Variants in ENO3 observed in about 807,000 individuals in gnomAD.
ENO3 encodes enolase 3.
A neutral mutation model predicts 47.7 loss-of-function variants in ENO3; 46 were observed. The ratio of observed to expected loss-of-function variants is 0.96; its 90% CI spans 0.76 to 1.23. The LOEUF is 1.23. Ranked by LOEUF, ENO3 falls within the 50% of genes most tolerant of loss-of-function variation. The pLI, the probability that ENO3 is intolerant of heterozygous loss-of-function variation, is 0.00. For synonymous variants in ENO3, 223 were observed against 225.9 expected (o/e 0.99, Z 0.11); for missense variants, 575 against 566.2 (o/e 1.02, Z -0.16).
rs574403319 is a variant in ENO3, at chr17:4,954,845, G to A, written c.445-230G>A. On this transcript the variant is annotated intron_variant, in intron 6 of 11. Coordinates refer to ENST00000519602, the MANE Select transcript of ENO3 (RefSeq NM_053013.4). ...GGAGAATCACTTGAACCCGGGAGGCGGAGGTTGCGCCATTGCACTCCAGCC... is the reference window on the plus strand; with the variant it reads ...GGAGAATCACTTGAACCCGGGAGGCAGAGGTTGCGCCATTGCACTCCAGCC... 1.1e-4 allele frequency among the ~76,000 whole-genome samples: 16 copies of A among 151,488 alleles called. No individual in the cohort carries two copies. The South Asian group carries it at 2.3e-3, about 22-fold the overall frequency.
chr17:4,955,240 G>A lies in ENO3; in HGVS notation c.610G>A (p.Ala204Thr). ...GVIKAKYGKD[A>T]TNVGDEGGFA... ...CATCAAGGCCAAGTATGGGAAGGATGCCACCAATGTGGGTGATGAAGGTGG... is the reference window on the plus strand; with the variant it reads ...CATCAAGGCCAAGTATGGGAAGGATACCACCAATGTGGGTGATGAAGGTGG... The change falls in exon 7 of 12, where the codon GCC (alanine) becomes ACC (threonine). Residue 204 changes from alanine (A) to threonine (T), a missense_variant. By Grantham distance (58) the Ala-to-Thr change is moderately conservative. Transcript: ENST00000519602. 6.2e-7 allele frequency: 1 copy of A among 1,614,276 alleles called. No individual in the cohort carries two copies.
rs548538086 is a variant in ENO3, at chr17:4,955,525, G to GTCA, written c.788_789insATC (p.Ser263dup). The GTCA allele has an allele frequency of 2.0e-3, 3,191 of 1,614,230 alleles. 86 individuals carry two copies. In the South Asian group the frequency reaches 0.033, roughly 17 times the overall value. On this transcript the variant is annotated inframe_insertion, in exon 8 of 12. Coordinates refer to ENST00000519602, the MANE Select transcript of ENO3 (RefSeq NM_053013.4). ...ATGGGAAGTACGATCTTGACTTCAA[G>GTCA]TCGCCTGATGATCCCGCACGGCACA... is the stretch of plus-strand genomic sequence containing the variant.
At position 4,953,888 on chromosome 17, in the gene ENO3, A is replaced by G. The variant is rs1971636452; in HGVS notation, c.444+43A>G. On this transcript the variant is annotated intron_variant, in intron 6 of 11. Transcript: ENST00000519602. Reference sequence around the variant, plus strand: ...CCCTTCCCAGATCTCGCCTGGACAGAGCCAACCCCGCCCAGCCAGGGTTGG... The same window carrying G: ...CCCTTCCCAGATCTCGCCTGGACAGGGCCAACCCCGCCCAGCCAGGGTTGG... 2.5e-6 allele frequency: 4 copies of G among 1,613,668 alleles called. No individual in the cohort carries two copies. In the African/African-American group the frequency reaches 4.0e-5, roughly 16 times the overall value.
At position 4,952,782 on chromosome 17, in the gene ENO3, C is replaced by T. The variant is rs778318241; in HGVS notation, c.86-13C>T. On this transcript the variant is annotated splice_polypyrimidine_tract_variant and intron_variant, in intron 2 of 11. Coordinates refer to ENST00000519602, the MANE Select transcript of ENO3 (RefSeq NM_053013.4). ...CAGCCATCCCTGTGATCTTCCAATT[C>T]CTCCTGTCCCAGGCCGATTCCGAGC... The T allele has an allele frequency of 1.2e-6, 2 of 1,600,920 alleles. No individual in the cohort carries two copies. Among genetic ancestry groups the T allele is most frequent in the Admixed American group, 1.7e-5 (1 of 58,682 alleles).
Position 4,956,643 on chromosome 17 carries a change from T to G in ENO3, c.1138T>G (p.Phe380Val), listed in dbSNP as rs1278964121. 3 of 1,614,034 alleles carry G rather than the reference T, an allele frequency of 1.9e-6. No homozygotes were observed. The East Asian group carries it at 6.7e-5, about 36-fold the overall frequency. The change falls in exon 10 of 12, where the codon TTC (phenylalanine) becomes GTC (valine). Residue 380 changes from phenylalanine to valine, a missense_variant. Phe to Val is a conservative substitution (Grantham distance 50). Coordinates refer to ENST00000519602, the MANE Select transcript of ENO3 (RefSeq NM_053013.4). ...SHRSGETEDT[F>V]IADLVVGLCT... is the part of the protein sequence containing the mutation. ...CCGCTCTGGGGAGACTGAGGACACA[T>G]TCATTGCTGACCTTGTGGTGGGGCT...
chr17:4,954,080 A>T, intron 6 of ENO3: 2 of 635,792 alleles, frequency 3.1e-6, no homozygotes, highest in Non-Finnish European at 5.4e-6. Context: ...TTCCCATTCC[A>T]ATCCTAGGCT....
In ENO3 at chr17:4,956,639, C is replaced by G; in HGVS notation, c.1134C>G (p.Asp378Glu). Reference sequence around the variant, plus strand: ...GCCACCGCTCTGGGGAGACTGAGGACACATTCATTGCTGACCTTGTGGTGG... The same window carrying G: ...GCCACCGCTCTGGGGAGACTGAGGAGACATTCATTGCTGACCTTGTGGTGG... The part of the protein sequence containing the change: ...MVSHRSGETE[D>E]TFIADLVVGL... The change falls in exon 10 of 12, where the codon GAC becomes GAG. Residue 378 changes from aspartate (D) to glutamate (E), a missense_variant. By Grantham distance (45) the Asp-to-Glu change is conservative. Transcript: ENST00000519602. 1 of 1,614,196 alleles carries G rather than the reference C, an allele frequency of 6.2e-7. No individual in the cohort carries two copies. Among genetic ancestry groups the G allele is most frequent in the Non-Finnish European group, 8.5e-7 (1 of 1,180,040 alleles).
intron 4 of ENO3, 69 bp downstream of exon 4, chr17:4,953,178 C>G: frequency 6.2e-7 from 1 of 1,613,126 alleles, no homozygotes; most frequent in East Asian, 2.2e-5. Context: ...AGACAGGCCT[C>G]TCCCGAAACA....
At chr17:4,952,040 C>G (rs1319788045) in intron 2 of ENO3, 126 bp downstream of exon 2, 1 of 1,046,072 alleles carries the variant, frequency 9.6e-7, no homozygotes, top group Non-Finnish European at 1.4e-6. Context: ...TTCCCAAGCC[C>G]CCTTCTTCCA....
chr17:4,954,645 T>A (rs1188518429), intron 6 of ENO3, among the ~76,000 whole-genome samples: 1 of 152,200 alleles, frequency 6.6e-6, no homozygotes. Flanking sequence ...CTGGGCACAG[T>A]GGCTCACGCC....
At chr17:4,955,001 A>G (rs1343825933) in intron 6 of ENO3, 74 bp from the exon 7 acceptor site, 5 of 1,366,408 alleles carry the variant, frequency 3.7e-6, no homozygotes, top group Non-Finnish European at 5.1e-6. Flanking sequence ...TTTCCACCCC[A>G]ACACCCCCCG....
upstream of ENO3, chr17:4,949,007 G>T (rs531584914): frequency 3.3e-5 from 5 of 151,980 alleles, no homozygotes; most frequent in South Asian, 1.0e-3. Flanking sequence ...CTGCGCCGGG[G>T]CCGGGAGTGC....
Position 4,953,135 on chromosome 17 carries a change from A to G in ENO3, c.240+26A>G, listed in dbSNP as rs201048680. The G allele has an allele frequency of 8.7e-5, 141 of 1,614,124 alleles. No individual in the cohort carries two copies. The East Asian group carries it at 2.9e-3, about 34-fold the overall frequency. ...GCAAGTGGGGAAGCCCGCTCGCTGCAGCCTCCTCCCCATGCCCCTGCTCCC... is the reference window on the plus strand; with the variant it reads ...GCAAGTGGGGAAGCCCGCTCGCTGCGGCCTCCTCCCCATGCCCCTGCTCCC... On this transcript the variant is annotated intron_variant, in intron 4 of 11. Transcript: ENST00000519602.
In ENO3 at chr17:4,953,764, G is replaced by A. The variant is rs201872558; in HGVS notation, c.363G>A (p.Ala121=). The change falls in exon 6 of 12, where the codon GCG becomes GCA. Residue 121 remains alanine (A), a synonymous_variant. Coordinates refer to ENST00000519602, the MANE Select transcript of ENO3 (RefSeq NM_053013.4). The part of the protein sequence containing the change: ...ILGVSLAVCK[A]GAAEKGVPLY... ...GCGTGTCCTTGGCCGTGTGTAAGGC[G>A]GGAGCAGCTGAGAAGGGGGTCCCCC... 2.8e-5 allele frequency: 46 copies of A among 1,614,072 alleles called. No homozygotes were observed. The East Asian group carries it at 8.0e-4, about 28-fold the overall frequency.
intron 6 of ENO3, chr17:4,954,174 C>T: frequency 2.3e-6 from 1 of 425,668 alleles, no homozygotes; most frequent in South Asian, 2.4e-5. Flanking sequence ...CTTGGCATTT[C>T]TTTGTATCTT....
At chr17:4,948,904 G>A (rs1971465587), upstream of ENO3, 1 of 152,854 alleles carries the variant, frequency 6.5e-6, no homozygotes, top group South Asian at 1.9e-4. Flanking sequence ...GAGAGTTCGG[G>A]GAGCCCAGGG....
chr17:4,954,660 A>G (rs979494670), intron 6 of ENO3, among the ~76,000 whole-genome samples: 2 of 152,210 alleles, frequency 1.3e-5, no homozygotes, highest in African/African-American at 4.8e-5. Context: ...CACGCCTGTA[A>G]TCCCAGCACT....
intron 9 of ENO3, 99 bp from the exon 10 acceptor site, chr17:4,956,474 G>C: frequency 8.5e-7 from 1 of 1,169,998 alleles, no homozygotes; most frequent in South Asian, 1.2e-5. Context: ...TCCCTGCAGA[G>C]TGCTTGCTAC....
At chr17:4,950,026 G>T (rs568870586), upstream of ENO3, among the ~76,000 whole-genome samples, 4 of 151,414 alleles carry the variant, frequency 2.6e-5, no homozygotes, top group Admixed American at 2.6e-4. Flanking sequence ...GGGTGGCGGG[G>T]CAGGTGGCCT....
Sources: gnomAD v4.1 joint callset for allele counts (sites outside exome capture counted in the v4.1 genomes callset) on GRCh38, gnomAD v4.1.1 for gene constraint, MANE v1.5 for transcripts, NCBI Gene and HGNC (gene_info 2026-07-23, HGNC 2026-07-21) for gene names.